The following HCRTR1 variants were observed in gnomAD, a reference collection of about 807,000 sequenced individuals.
HCRTR1 encodes hypocretin receptor 1, also known as orexin/Hypocretin receptor type 1.
In HCRTR1, 28 loss-of-function variants were observed where a neutral mutation model predicts 40.6. That is an observed-to-expected ratio of 0.69 (90% CI 0.51 to 0.95). The LOEUF is 0.95. Among genes scored for constraint, HCRTR1 ranks in the 40% least tolerant of loss-of-function variants. The pLI is 0.00. For missense variants in HCRTR1, 482 were observed against 564.7 expected, an observed-to-expected ratio of 0.85 and a Z score of 1.48; for synonymous variants, 209 against 230.0, an observed-to-expected ratio of 0.91 and a Z score of 0.83.
chr1:31,623,647 A>G lies in HCRTR1; in HGVS notation c.863A>G (p.Lys288Arg). 1 of 1,614,072 alleles carries G rather than the reference A, an allele frequency of 6.2e-7. No individual in the cohort carries two copies. Among genetic ancestry groups the G allele is most frequent in the Non-Finnish European group, 8.5e-7 (1 of 1,180,054 alleles). ...PRARAFLAEV[K>R]QMRARRKTAK... The stretch of plus-strand genomic sequence containing the variant: ...GCCCGCGCCTTCCTGGCTGAAGTGA[A>G]GCAGATGCGTGCACGGAGGAAGACA... The change falls in exon 7 of 9, where the codon AAG (lysine) becomes AGG (arginine). Residue 288 changes from lysine (K) to arginine (R), a missense_variant. Lys to Arg is a conservative substitution (Grantham distance 26). Transcript: ENST00000403528.
intron 7 of HCRTR1, 77 bp downstream of exon 7, chr1:31,623,826 C>T: frequency 9.7e-7 from 1 of 1,029,974 alleles, no homozygotes; most frequent in Admixed American, 2.1e-5. Flanking sequence ...GGGAGAAAGA[C>T]CTGGCTCCAC....
rs1639908280 is a variant in HCRTR1, at chr1:31,623,592, C to T, written c.808C>T (p.Gln270Ter). Residue 270 changes from glutamine to a stop codon, truncating the protein, a stop_gained, in exon 7 of 9, where the codon CAG becomes TAG. Transcript: ENST00000403528. LOFTEE classifies it high-confidence loss of function. ...RPSDQLGDLE[Q>*]GLSGEPQPRA... ...CTCAGACCAGCTGGGGGACCTGGAG[C>T]AGGGCCTGAGTGGAGAGCCCCAGCC... 1 of 1,613,486 alleles carries T rather than the reference C, an allele frequency of 6.2e-7. No homozygotes were observed. The highest frequency in any genetic ancestry group is 1.3e-5 in the African/African-American group (1 of 74,926).
downstream of HCRTR1, chr1:31,630,857 C>T (rs371471126): frequency 1.3e-6 from 2 of 1,585,720 alleles, no homozygotes; most frequent in Admixed American, 1.7e-5. Context: ...AGAAGAGGGG[C>T]ACACAGACCA....
intron 6 of HCRTR1, among the ~76,000 whole-genome samples, chr1:31,622,064 A>C (rs1639868307): frequency 6.6e-6 from 1 of 152,202 alleles, no homozygotes; most frequent in Middle Eastern, 3.2e-3. Flanking sequence ...CCAATGTCTT[A>C]ACAACTATCT....
intron 6 of HCRTR1, 76 bp downstream of exon 6, chr1:31,621,668 G>C: frequency 2.9e-6 from 3 of 1,032,990 alleles, no homozygotes; most frequent in Non-Finnish European, 4.5e-6. Flanking sequence ...GTCTAACTGA[G>C]TAGGCAGTCC....
chr1:31,621,421 A>G, intron 5 of HCRTR1, 56 bp from the exon 6 acceptor site: 2 of 1,333,870 alleles, frequency 1.5e-6, no homozygotes, highest in Middle Eastern at 1.8e-4. Flanking sequence ...ATTGCTAACC[A>G]GGGCAGGGTG....
At chr1:31,631,008 C>G (rs1166673689), downstream of HCRTR1, among the ~76,000 whole-genome samples, 1 of 152,222 alleles carries the variant, frequency 6.6e-6, no homozygotes, top group Non-Finnish European at 1.5e-5. Context: ...GTCAGAAACA[C>G]AACAGGGACC....
At chr1:31,628,943 A>G (rs1247115393), downstream of HCRTR1, among the ~76,000 whole-genome samples, 2 of 152,194 alleles carry the variant, frequency 1.3e-5, no homozygotes, top group Non-Finnish European at 2.9e-5. Context: ...CCCACAGAGA[A>G]AACCACAGCA....
downstream of HCRTR1, among the ~76,000 whole-genome samples, chr1:31,628,918 G>T (rs547078075): frequency 2.0e-5 from 3 of 152,210 alleles, no homozygotes; most frequent in Non-Finnish European, 2.9e-5. Flanking sequence ...AAAGGGTGAT[G>T]TATGTCCTGG....
Position 31,620,911 on chromosome 1 carries a change from C to T in HCRTR1, c.447C>T (p.Cys149=). The part of the protein sequence containing the change: ...FIALDRWYAI[C]HPLLFKSTAR... ...CCCTGGACCGCTGGTATGCCATCTG[C>T]CACCCACTATTGTTCAAGAGCACAG... Residue 149 remains cysteine, a synonymous_variant, in exon 5 of 9, where the codon TGC becomes TGT. Transcript: ENST00000403528. 6.2e-7 allele frequency: 1 copy of T among 1,614,164 alleles called. No individual in the cohort carries two copies. The highest frequency in any genetic ancestry group is 8.5e-7 in the Non-Finnish European group (1 of 1,180,032).
chr1:31,627,079 T>A lies in HCRTR1; in HGVS notation c.*99T>A. ...GAAAGGCTGTGGCTTCAGTCCTGGG[T>A]TTCTGCCTGTGTGACTCTGGATAAG... is the stretch of plus-strand genomic sequence containing the variant. On this transcript the variant is annotated 3_prime_UTR_variant, in exon 9 of 9. Coordinates refer to ENST00000403528, the MANE Select transcript of HCRTR1 (RefSeq NM_001525.3). 2 of 1,511,822 alleles carry A rather than the reference T, an allele frequency of 1.3e-6. No homozygotes were observed. Among genetic ancestry groups the A allele is most frequent in the East Asian group, 4.5e-5 (2 of 43,992 alleles). The allele number at this position is 1,511,822 out of a possible 1,614,324, so 93.7% of individuals were successfully genotyped here.
chr1:31,629,118 TG>T (rs1640032363), downstream of HCRTR1, among the ~76,000 whole-genome samples: 1 of 152,160 alleles, frequency 6.6e-6, no homozygotes, highest in Non-Finnish European at 1.5e-5. Flanking sequence ...TAGCTCTGGA[TG>T]GGGGCTGGCC....
At position 31,619,071 on chromosome 1, in the gene HCRTR1, G is replaced by T. The variant is rs966478856; in HGVS notation, c.-122G>T. On this transcript the variant is annotated 5_prime_UTR_variant, in exon 3 of 9. Transcript: ENST00000403528. ...TTCAGGAAGTTTGAGGCTGAGACCC[G>T]AAAAGACCTGGGTGCAAGCCTCCAG... is the stretch of plus-strand genomic sequence containing the variant. 2.7e-6 allele frequency: 2 copies of T among 735,898 alleles called. No individual in the cohort carries two copies. Among genetic ancestry groups the T allele is most frequent in the African/African-American group, 1.8e-5 (1 of 56,578 alleles). 45.6% of individuals were successfully genotyped at this position (735,898 alleles called of 1,614,324 possible). A position where few individuals can be genotyped will look rare whatever the true frequency, so the allele number is the denominator to read the frequency against.
chr1:31,632,334 G>C, downstream of HCRTR1: 1 of 1,249,980 alleles, frequency 8.0e-7, no homozygotes, highest in Non-Finnish European at 1.2e-6. Flanking sequence ...GCCCCAGCTG[G>C]GTCAAAGAAG....
Position 31,627,542 on chromosome 1 carries a change from A to C in HCRTR1, c.*562A>C. 5.3e-6 allele frequency: 2 copies of C among 376,420 alleles called. No individual in the cohort carries two copies. The highest frequency in any genetic ancestry group is 1.0e-5 in the Non-Finnish European group (2 of 195,198). The allele number at this position is 376,420 out of a possible 1,614,324, so 23.3% of individuals were successfully genotyped here. A position where few individuals can be genotyped will look rare whatever the true frequency, so the allele number is the denominator to read the frequency against. On this transcript the variant is annotated 3_prime_UTR_variant, in exon 9 of 9. Coordinates refer to ENST00000403528, the MANE Select transcript of HCRTR1 (RefSeq NM_001525.3). ...CCTTGTTGGCTTTGTGGTGTGATAA[A>C]ACACTCTCCATGGCCACTTGGCAGA...
chr1:31,618,156 G>A (rs1256039031), intron 1 of HCRTR1: 1 of 152,498 alleles, frequency 6.6e-6, no homozygotes, highest in Non-Finnish European at 1.5e-5. Flanking sequence ...CCTTCCCCAG[G>A]GGTCTCCAGG....
downstream of HCRTR1, chr1:31,632,580 C>T (rs2148616907): frequency 1.2e-6 from 2 of 1,614,188 alleles, no homozygotes; most frequent in Non-Finnish European, 1.7e-6. Flanking sequence ...GGATGAATTT[C>T]CACAGGGCTG....
rs1639985486 is a variant in HCRTR1, at chr1:31,626,762, T to C, written c.1088-28T>C. 3 of 1,591,254 alleles carry C rather than the reference T, an allele frequency of 1.9e-6. No homozygotes were observed. Among genetic ancestry groups the C allele is most frequent in the Non-Finnish European group, 2.6e-6 (3 of 1,165,740 alleles). On this transcript the variant is annotated intron_variant, in intron 8 of 8. Transcript: ENST00000403528. The surrounding 1 kb of genome is among the most constrained non-coding windows in gnomAD (Gnocchi z 4.6). ...CCTTCCTGCTGCATCTGTCTCCTTA[T>C]GGCTGTGTCTTTTGTCTCCCAACCA...
downstream of HCRTR1, chr1:31,632,758 A>G (rs1422347467): frequency 8.2e-7 from 1 of 1,220,804 alleles, no homozygotes; most frequent in East Asian, 2.5e-5. Flanking sequence ...TCACAGAACC[A>G]AGCCCTGAGG....
Sources: allele counts gnomAD v4.1 joint callset (sites outside exome capture counted in the v4.1 genomes callset), GRCh38; gene constraint gnomAD v4.1.1; non-coding constraint Gnocchi (gnomAD v3.1); transcripts MANE v1.5; gene names NCBI Gene and HGNC (gene_info 2026-07-23, HGNC 2026-07-21).